Variants in PTPRD observed in about 807,000 individuals in gnomAD.
PTPRD encodes receptor-type tyrosine-protein phosphatase delta.
PTPRD carries 34 observed loss-of-function variants against 214.5 expected under a neutral mutation model. The observed-to-expected ratio is 0.16, with a 90% CI of 0.12 to 0.21. The LOEUF is 0.21. Ranked by LOEUF, PTPRD falls within the 10% of genes least tolerant of loss-of-function variation. The pLI is 1.00. For missense variants in PTPRD, 2,545 were observed against 2,398.7 expected, an observed-to-expected ratio of 1.06 and a Z score of -1.27; for synonymous variants, 1,128 against 845.7, an observed-to-expected ratio of 1.33 and a Z score of -5.79.
intron 30 of PTPRD, among the ~76,000 whole-genome samples, chr9:8,482,839 C>T (rs996781352): frequency 2.0e-5 from 3 of 152,170 alleles, no homozygotes; most frequent in Non-Finnish European, 4.4e-5. Flanking sequence ...TATGCACTTA[C>T]CACTCCCTTT....
intron 8 of PTPRD, among the ~76,000 whole-genome samples, chr9:9,525,165 A>C (rs1194636966): frequency 6.6e-6 from 1 of 152,110 alleles, no homozygotes; most frequent in Non-Finnish European, 1.5e-5. Context: ...GGGTAACAGG[A>C]GTTTTTATAG....
chr9:9,186,224 G>C (rs1246522310), intron 9 of PTPRD, among the ~76,000 whole-genome samples: 1 of 152,066 alleles, frequency 6.6e-6, no homozygotes, highest in Non-Finnish European at 1.5e-5. Flanking sequence ...CTGGGGGAGA[G>C]AAAGAAATGA....
chr9:9,711,269 T>C (rs1382638444), intron 7 of PTPRD, among the ~76,000 whole-genome samples: 1 of 152,226 alleles, frequency 6.6e-6, no homozygotes, highest in East Asian at 1.9e-4. Flanking sequence ...AGGAACTGTA[T>C]TCTTGTTTAT....
At chr9:9,093,194 A>G (rs1388672506) in intron 10 of PTPRD, among the ~76,000 whole-genome samples, 1 of 152,122 alleles carries the variant, frequency 6.6e-6, no homozygotes, top group Non-Finnish European at 1.5e-5. Flanking sequence ...ACACAAACTA[A>G]TAGAACTAAA....
At chr9:10,524,074 T>C (rs2053468547) in intron 2 of PTPRD, among the ~76,000 whole-genome samples, 1 of 152,044 alleles carries the variant, frequency 6.6e-6, no homozygotes, top group African/African-American at 2.4e-5. Flanking sequence ...TCACGTGAAC[T>C]TTCCTTGGTA....
intron 12 of PTPRD, among the ~76,000 whole-genome samples, chr9:8,697,727 A>AT (rs1020953633): frequency 5.3e-5 from 8 of 151,792 alleles, no homozygotes; most frequent in African/African-American, 1.9e-4. Context: ...CCAGGCCTGG[A>AT]TTTTTTTAAA....
intron 2 of PTPRD, among the ~76,000 whole-genome samples, chr9:10,572,668 A>G (rs556468526): frequency 2.0e-5 from 3 of 152,192 alleles, no homozygotes; most frequent in African/African-American, 7.2e-5. Context: ...AATAAGAAAT[A>G]AATCTTAGGA....
intron 12 of PTPRD, among the ~76,000 whole-genome samples, chr9:8,710,194 G>C (rs563914397): frequency 6.6e-6 from 1 of 152,252 alleles, no homozygotes; most frequent in East Asian, 1.9e-4. Context: ...TATGCTCCTG[G>C]TAATGAGCTA....
intron 3 of PTPRD, among the ~76,000 whole-genome samples, chr9:10,295,028 T>C (rs886751075): frequency 2.0e-5 from 3 of 152,040 alleles, no homozygotes; most frequent in East Asian, 3.8e-4. Flanking sequence ...TAATACGACA[T>C]ACTGATAAAA....
At chr9:9,352,353 GTATATATGTGTGTGTGTGTA>G (rs2051676231) in intron 9 of PTPRD, among the ~76,000 whole-genome samples, 1 of 130,018 alleles carries the variant, frequency 7.7e-6, no homozygotes, top group African/African-American at 2.6e-5. Flanking sequence ...GTGTGTGTGT[GTATATATGTGTGTGTGTGTA>G]TATATATATA....
chr9:9,862,690 C>G (rs1379797931), intron 5 of PTPRD, among the ~76,000 whole-genome samples: 1 of 124,362 alleles, frequency 8.0e-6, no homozygotes, highest in Non-Finnish European at 1.6e-5. Flanking sequence ...TTCTGCCTGT[C>G]TCTGAAGAAA....
At chr9:8,867,426 C>A (rs533633180) in intron 11 of PTPRD, among the ~76,000 whole-genome samples, 9 of 152,284 alleles carry the variant, frequency 5.9e-5, no homozygotes, top group Middle Eastern at 6.8e-3. Flanking sequence ...GGCACTCATG[C>A]TTTTTACTTT....
intron 3 of PTPRD, among the ~76,000 whole-genome samples, chr9:10,284,767 G>A (rs997377035): frequency 1.3e-5 from 2 of 149,446 alleles, no homozygotes; most frequent in Non-Finnish European, 2.9e-5. Flanking sequence ...CCTTGATTCT[G>A]CAAGGCCAGG....
intron 11 of PTPRD, among the ~76,000 whole-genome samples, chr9:8,833,820 T>C (rs1162712824): frequency 6.6e-6 from 1 of 151,754 alleles, no homozygotes; most frequent in Non-Finnish European, 1.5e-5. Context: ...CAACTGTATT[T>C]CCAGACTGGT....
intron 10 of PTPRD, among the ~76,000 whole-genome samples, chr9:9,142,355 G>C (rs1227796554): frequency 6.6e-6 from 1 of 152,178 alleles, no homozygotes; most frequent in Non-Finnish European, 1.5e-5. Context: ...AGTCTCCCTA[G>C]CTGAGGTTTT....
chr9:8,703,590 T>G (rs1215678128), intron 12 of PTPRD, among the ~76,000 whole-genome samples: 1 of 152,196 alleles, frequency 6.6e-6, no homozygotes, highest in Non-Finnish European at 1.5e-5. Context: ...ATTGTTTTTC[T>G]TTCTCTTTTC....
intron 11 of PTPRD, among the ~76,000 whole-genome samples, chr9:9,000,554 A>G (rs911408830): frequency 1.3e-5 from 2 of 151,996 alleles, no homozygotes; most frequent in African/African-American, 2.4e-5. Flanking sequence ...ATCACTAACA[A>G]GAACATTTAT....
intron 35 of PTPRD, among the ~76,000 whole-genome samples, chr9:8,413,124 C>T (rs2093654119): frequency 6.6e-6 from 1 of 152,118 alleles, no homozygotes; most frequent in African/African-American, 2.4e-5. Flanking sequence ...ATGAAAATGT[C>T]TAGCCTAATT....
chr9:10,552,157 C>T (rs138167655), intron 2 of PTPRD, among the ~76,000 whole-genome samples: 271 of 152,286 alleles, frequency 1.8e-3, no homozygotes, highest in Admixed American at 4.5e-3. Context: ...CCTATTCACA[C>T]TGTTAATGGA....
Sources: allele counts gnomAD v4.1 joint callset (sites outside exome capture counted in the v4.1 genomes callset), GRCh38; gene constraint gnomAD v4.1.1; transcripts MANE v1.5; gene names NCBI Gene and HGNC (gene_info 2026-07-23, HGNC 2026-07-21).